Variants in MYO16 observed in about 807,000 individuals in gnomAD.
MYO16 encodes myosin XVI.
MYO16 carries 94 observed loss-of-function variants against 205.3 expected under a neutral mutation model. The ratio of observed to expected loss-of-function variants is 0.46; its 90% CI spans 0.39 to 0.54. The LOEUF (loss-of-function observed/expected upper bound fraction) is 0.54. MYO16 is among the 20% of genes least tolerant of loss of function. MYO16 has a pLI of 0.00. For missense variants in MYO16, 2,315 were observed against 2,387.5 expected (o/e 0.97, Z 0.63); for synonymous variants, 988 against 954.0 (o/e 1.04, Z -0.66).
Position 109,127,122 on chromosome 13 carries a change from A to C in MYO16, c.3783-160A>C, listed in dbSNP as rs946077538. 1.5e-4 allele frequency among the ~76,000 whole-genome samples: 23 copies of C among 152,114 alleles called. No individual in the cohort carries two copies. Among genetic ancestry groups the C allele is most frequent in the Non-Finnish European group, 2.9e-4 (20 of 68,028 alleles). On this transcript the variant is annotated intron_variant, in intron 30 of 34. Transcript: ENST00000457511. The surrounding 1 kb of genome is among the most constrained non-coding windows in gnomAD (Gnocchi z 4.2). The stretch of plus-strand genomic sequence containing the variant: ...GAGGACGGGTGGCCTTCTCTGGACC[A>C]ACTGGTCACCAGAGGGCTGCACACG...
At chr13:108,943,836 C>T (rs1261202420) in intron 16 of MYO16, among the ~76,000 whole-genome samples, 1 of 152,230 alleles carries the variant, frequency 6.6e-6, no homozygotes, top group Non-Finnish European at 1.5e-5. Flanking sequence ...CCGCCCGCCT[C>T]GGCCTCCCAG....
chr13:108,517,045 C>G, the MYO16 span, among the ~76,000 whole-genome samples: 1 of 152,132 alleles, frequency 6.6e-6, no homozygotes, highest in East Asian at 1.9e-4. Flanking sequence ...GTCCTCCCAC[C>G]TTACCTTCTG....
At chr13:108,536,342 G>C in the MYO16 span, among the ~76,000 whole-genome samples, 4 of 152,054 alleles carry the variant, frequency 2.6e-5, no homozygotes, top group African/African-American at 9.7e-5. Flanking sequence ...AGTGGAATAA[G>C]TTTATTAGAT....
the MYO16 span, among the ~76,000 whole-genome samples, chr13:108,551,970 G>C: frequency 2.0e-5 from 3 of 152,136 alleles, no homozygotes; most frequent in Non-Finnish European, 4.4e-5. Flanking sequence ...ATAGGAAGAA[G>C]CAATGGGAAA....
At chr13:108,668,518 G>C (rs564400576) in intron 2 of MYO16, among the ~76,000 whole-genome samples, 1 of 152,066 alleles carries the variant, frequency 6.6e-6, no homozygotes, top group Non-Finnish European at 1.5e-5. Context: ...TATGGGCTTC[G>C]GTGAGATGAA....
chr13:109,141,025 C>A lies in MYO16; in HGVS notation c.4813C>A (p.Pro1605Thr). ...CCCGCCCCCGCCCCCGCCCGGGCCG[C>A]CCCCCGCGCCCTACAGGCCCTGCGC... is the stretch of plus-strand genomic sequence containing the variant. ...PPPPPPPPGPPPAPYRPCAHL... is the reference protein window; with the variant it reads ...PPPPPPPPGPTPAPYRPCAHL... Residue 1605 changes from proline (P) to threonine (T), a missense_variant, in exon 32 of 35, where the codon CCC (proline) becomes ACC (threonine). Coordinates refer to ENST00000457511, the MANE Select transcript of MYO16 (RefSeq NM_001198950.3). The surrounding 1 kb of genome is among the most constrained non-coding windows in gnomAD (Gnocchi z 4.1). The A allele has an allele frequency of 7.5e-7, 1 of 1,325,894 alleles. No homozygotes were observed. Among genetic ancestry groups the A allele is most frequent in the Non-Finnish European group, 9.6e-7 (1 of 1,041,586 alleles). 82.1% of individuals were successfully genotyped at this position (1,325,894 alleles called of 1,614,324 possible).
At chr13:109,086,064 G>T (rs963048638) in intron 27 of MYO16, among the ~76,000 whole-genome samples, 10 of 152,142 alleles carry the variant, frequency 6.6e-5, no homozygotes, top group Admixed American at 5.2e-4. Flanking sequence ...ATAGAGATTT[G>T]TATTCTCTAC....
intron 4 of MYO16, among the ~76,000 whole-genome samples, chr13:108,746,179 C>T (rs548580956): frequency 1.6e-4 from 24 of 151,626 alleles, no homozygotes; most frequent in Admixed American, 1.1e-3. Flanking sequence ...GGCTACGGAG[C>T]GAGACTCCAT....
intron 8 of MYO16, among the ~76,000 whole-genome samples, chr13:108,821,386 C>A (rs1283873750): frequency 2.6e-5 from 4 of 152,114 alleles, no homozygotes; most frequent in African/African-American, 9.7e-5. Flanking sequence ...TTTTACACAG[C>A]TTAATAGTCA....
At chr13:108,732,733 T>C in intron 4 of MYO16, among the ~76,000 whole-genome samples, 1 of 152,174 alleles carries the variant, frequency 6.6e-6, no homozygotes, top group East Asian at 1.9e-4. Flanking sequence ...GAGGATCACG[T>C]TTGCTGCTCT....
chr13:108,684,773 C>T (rs907677747), intron 2 of MYO16, among the ~76,000 whole-genome samples: 1 of 152,162 alleles, frequency 6.6e-6, no homozygotes, highest in African/African-American at 2.4e-5. Flanking sequence ...ATAAAAACCT[C>T]TGAACTATGG....
intron 23 of MYO16, among the ~76,000 whole-genome samples, chr13:109,030,838 A>T (rs1489902853): frequency 6.6e-6 from 1 of 152,180 alleles, no homozygotes; most frequent in East Asian, 1.9e-4. Context: ...AGTAAAAAAG[A>T]AAATAAATAA....
chr13:109,017,226 C>T (rs762600585), intron 22 of MYO16, among the ~76,000 whole-genome samples: 10 of 152,148 alleles, frequency 6.6e-5, no homozygotes, highest in Non-Finnish European at 1.2e-4. Flanking sequence ...ATTTATGAAG[C>T]TTAGTTTGGC....
intron 14 of MYO16, among the ~76,000 whole-genome samples, chr13:108,896,976 A>G (rs1186425141): frequency 6.6e-6 from 1 of 152,172 alleles, no homozygotes; most frequent in Non-Finnish European, 1.5e-5. Flanking sequence ...AGCCTGGATG[A>G]CAGAGTGAGA....
At chr13:109,030,739 T>C (rs1380017387) in intron 23 of MYO16, among the ~76,000 whole-genome samples, 2 of 152,168 alleles carry the variant, frequency 1.3e-5, no homozygotes, top group African/African-American at 4.8e-5. Flanking sequence ...TCTATTAGTA[T>C]AGCATCTTAA....
At chr13:108,645,848 T>C (rs1444468052) in intron 1 of MYO16, among the ~76,000 whole-genome samples, 1 of 152,180 alleles carries the variant, frequency 6.6e-6, no homozygotes, top group Non-Finnish European at 1.5e-5. Flanking sequence ...GCCAAAGACT[T>C]GACGCTGGAT....
chr13:108,532,561 G>A, the MYO16 span, among the ~76,000 whole-genome samples: 1 of 151,880 alleles, frequency 6.6e-6, no homozygotes, highest in Admixed American at 6.6e-5. Context: ...GGGATGCTGA[G>A]GTGGGAGGAT....
chr13:108,639,578 T>A (rs893747179), intron 1 of MYO16, among the ~76,000 whole-genome samples: 1 of 152,216 alleles, frequency 6.6e-6, no homozygotes, highest in Non-Finnish European at 1.5e-5. Context: ...ATAGGAGCCA[T>A]AGGTCAGGTT....
the MYO16 span, among the ~76,000 whole-genome samples, chr13:108,556,218 A>T: frequency 7.9e-4 from 120 of 151,934 alleles, no homozygotes; most frequent in African/African-American, 2.6e-3. Context: ...GAACTTTCAC[A>T]CTGTTTTCAA....
Sources: gnomAD v4.1 joint callset for allele counts (sites outside exome capture counted in the v4.1 genomes callset) on GRCh38, gnomAD v4.1.1 for gene constraint, Gnocchi (gnomAD v3.1) non-coding constraint, MANE v1.5 for transcripts, NCBI Gene and HGNC (gene_info 2026-07-23, HGNC 2026-07-21) for gene names.